Variants in KLHL1 observed in about 807,000 individuals in gnomAD.
The protein encoded by KLHL1 is kelch-like protein 1.
KLHL1 carries 47 observed loss-of-function variants against 77.7 expected under a neutral mutation model. The ratio of observed to expected loss-of-function variants is 0.60; its 90% confidence interval spans 0.48 to 0.77. KLHL1 has a LOEUF of 0.77. KLHL1 is among the 30% of genes least tolerant of loss of function. The probability of loss-of-function intolerance (pLI) is 0.00; values close to 1 mark genes in which losing one functional copy is unlikely to be tolerated. For missense variants in KLHL1, 925 were observed against 910.8 expected (o/e 1.02, Z -0.20); for synonymous variants, 360 against 325.2 (o/e 1.11, Z -1.15).
At chr13:69,827,070 T>A (rs958022865) in intron 6 of KLHL1, among the ~76,000 whole-genome samples, 1 of 151,222 alleles carries the variant, frequency 6.6e-6, no homozygotes, top group South Asian at 2.1e-4. Flanking sequence ...TGAATTTTAA[T>A]GTAATATGTT....
At chr13:69,770,554 G>A (rs1055802956) in intron 7 of KLHL1, among the ~76,000 whole-genome samples, 1 of 151,908 alleles carries the variant, frequency 6.6e-6, no homozygotes, top group Non-Finnish European at 1.5e-5. Context: ...GCTTAGTCTG[G>A]TCTTGGGCTC....
chr13:69,890,391 C>T (rs1409760179), intron 4 of KLHL1, among the ~76,000 whole-genome samples: 4 of 151,940 alleles, frequency 2.6e-5, no homozygotes, highest in African/African-American at 7.2e-5. Context: ...TCTTTGAAAT[C>T]ACTTAATTTA....
In KLHL1 at chr13:70,044,767, G is replaced by T. The variant is rs115155149; in HGVS notation, c.497+62436C>A. Among the ~76,000 whole-genome samples the T allele has an allele frequency of 4.2e-3, 642 of 152,222 alleles. 4 individuals carry two copies. Among genetic ancestry groups the T allele is most frequent in the African/African-American group, 0.014 (602 of 41,552 alleles). Reference sequence around the variant, plus strand: ...TTTGTAATTGCATTTTAGGATTAAAGTAAGACTAGACAATTTACCTTTATC... The same window carrying T: ...TTTGTAATTGCATTTTAGGATTAAATTAAGACTAGACAATTTACCTTTATC... On this transcript the variant is annotated intron_variant, in intron 1 of 10. Coordinates refer to ENST00000377844, the MANE Select transcript of KLHL1 (RefSeq NM_020866.3).
chr13:69,790,562 A>G (rs1364441686), intron 7 of KLHL1, among the ~76,000 whole-genome samples: 1 of 152,124 alleles, frequency 6.6e-6, no homozygotes, highest in Non-Finnish European at 1.5e-5. Flanking sequence ...ACAAACAAAT[A>G]AAGAAATACA....
intron 7 of KLHL1, among the ~76,000 whole-genome samples, chr13:69,764,928 G>GTTT (rs1566226655): frequency 5.4e-5 from 2 of 36,804 alleles, no homozygotes; most frequent in Non-Finnish European, 5.6e-5. Context: ...GTATATCTTT[G>GTTT]CTTTTTTTTT....
chr13:70,010,448 C>T (rs1885506550), intron 1 of KLHL1, among the ~76,000 whole-genome samples: 1 of 152,024 alleles, frequency 6.6e-6, no homozygotes, highest in Non-Finnish European at 1.5e-5. Context: ...TAGAATATGA[C>T]TGAAAGAGAG....
At chr13:69,903,533 CT>C (rs2138230760) in intron 4 of KLHL1, among the ~76,000 whole-genome samples, 1 of 145,580 alleles carries the variant, frequency 6.9e-6, no homozygotes, top group South Asian at 2.2e-4. Flanking sequence ...AAAGCACTTT[CT>C]TTTATACCAG....
intron 1 of KLHL1, among the ~76,000 whole-genome samples, chr13:70,039,056 ATTTTTT>A (rs35184766): frequency 0.12 from 14,467 of 124,744 alleles, 669 homozygotes; most frequent in African/African-American, 0.17. Context: ...TCCTTTGCAC[ATTTTTT>A]TTTTTTTTTT....
At chr13:69,969,571 G>A (rs776226315) in intron 2 of KLHL1, among the ~76,000 whole-genome samples, 5 of 151,656 alleles carry the variant, frequency 3.3e-5, no homozygotes, top group Non-Finnish European at 5.9e-5. Context: ...TGCATAAAAC[G>A]TATATAGTTG....
At chr13:69,832,979 G>A (rs1878823716) in intron 6 of KLHL1, among the ~76,000 whole-genome samples, 1 of 152,054 alleles carries the variant, frequency 6.6e-6, no homozygotes, top group African/African-American at 2.4e-5. Flanking sequence ...TTAAATCTAA[G>A]ACGTAAAGTC....
chr13:69,789,373 T>C (rs1020980025), intron 7 of KLHL1, among the ~76,000 whole-genome samples: 3 of 150,692 alleles, frequency 2.0e-5, no homozygotes, highest in African/African-American at 7.3e-5. Context: ...TATTATTTAC[T>C]TTTTTTTTGG....
At chr13:70,062,147 A>G (rs1436789112) in intron 1 of KLHL1, among the ~76,000 whole-genome samples, 1 of 152,166 alleles carries the variant, frequency 6.6e-6, no homozygotes, top group Admixed American at 6.5e-5. Flanking sequence ...AGCTACTACA[A>G]TACAATGGGA....
chr13:70,027,448 G>A (rs1885978324), intron 1 of KLHL1, among the ~76,000 whole-genome samples: 1 of 151,836 alleles, frequency 6.6e-6, no homozygotes, highest in African/African-American at 2.4e-5. Flanking sequence ...GTAGAACTAT[G>A]CAGTCACAAA....
chr13:69,739,046 C>G (rs1047688798), intron 8 of KLHL1, among the ~76,000 whole-genome samples: 2 of 152,164 alleles, frequency 1.3e-5, no homozygotes, highest in African/African-American at 4.8e-5. Flanking sequence ...AGACTAATAG[C>G]AGACCTCTCA....
At chr13:69,848,721 A>C (rs1879568929) in intron 5 of KLHL1, among the ~76,000 whole-genome samples, 1 of 151,502 alleles carries the variant, frequency 6.6e-6, no homozygotes, top group African/African-American at 2.4e-5. Context: ...AAACAAGAAA[A>C]AAATGCATAT....
intron 1 of KLHL1, among the ~76,000 whole-genome samples, chr13:69,989,141 G>A (rs747586191): frequency 7.9e-5 from 12 of 152,036 alleles, no homozygotes; most frequent in Non-Finnish European, 1.8e-4. Context: ...TTTGTATATA[G>A]TGTAAGGAAG....
At chr13:70,077,447 G>A (rs1289776571) in intron 1 of KLHL1, among the ~76,000 whole-genome samples, 3 of 151,920 alleles carry the variant, frequency 2.0e-5, no homozygotes, top group African/African-American at 7.3e-5. Flanking sequence ...TCGTTGAAGA[G>A]TTTGGTGGGA....
At chr13:69,859,333 G>A (rs1880046665) in intron 5 of KLHL1, among the ~76,000 whole-genome samples, 1 of 150,682 alleles carries the variant, frequency 6.6e-6, no homozygotes, top group Non-Finnish European at 1.5e-5. Context: ...CTTCCTCGCT[G>A]ATTTGTTTTT....
At chr13:69,954,787 G>A (rs1006850407) in intron 3 of KLHL1, among the ~76,000 whole-genome samples, 4 of 136,810 alleles carry the variant, frequency 2.9e-5, no homozygotes, top group Non-Finnish European at 4.8e-5. Flanking sequence ...TCATACGATA[G>A]TACTAAATGT....
Sources: allele counts gnomAD v4.1 joint callset (sites outside exome capture counted in the v4.1 genomes callset), GRCh38; gene constraint gnomAD v4.1.1; transcripts MANE v1.5; gene names NCBI Gene and HGNC (gene_info 2026-07-23, HGNC 2026-07-21).